The following CHD9 variants were observed in gnomAD, a reference collection of about 807,000 sequenced individuals.
CHD9 encodes ATP-dependent chromatin remodeler CHD9.
Under a neutral mutation model 316.1 loss-of-function variants are expected in CHD9, and 77 were observed. That is an observed-to-expected ratio of 0.24 (90% CI 0.20 to 0.29). CHD9 has a LOEUF of 0.29. Ranked by LOEUF, CHD9 falls within the 10% of genes least tolerant of loss-of-function variation. The pLI is 1.00. For synonymous variants in CHD9, 1,129 were observed against 1,158.3 expected, an observed-to-expected ratio of 0.97 and a Z score of 0.51; for missense variants, 2,763 against 3,438.1, an observed-to-expected ratio of 0.80 and a Z score of 4.91.
intron 37 of CHD9, chr16:53,320,075 T>A (rs1194891301): frequency 5.8e-6 from 1 of 171,256 alleles, no homozygotes; most frequent in Non-Finnish European, 1.2e-5. Flanking sequence ...ACTCAGGAAG[T>A]TCAGGAGGGA....
chr16:53,322,179 T>C (rs746257908), intron 38 of CHD9, among the ~76,000 whole-genome samples: 1 of 151,682 alleles, frequency 6.6e-6, no homozygotes, highest in Non-Finnish European at 1.5e-5. Flanking sequence ...GTATTTTTAG[T>C]AGAGACGATA....
chr16:53,274,169 G>A (rs765512679), intron 23 of CHD9, 44 bp from the exon 24 acceptor site: 39 of 1,214,280 alleles, frequency 3.2e-5, no homozygotes, highest in Admixed American at 1.3e-4. Flanking sequence ...TATTTTAAAC[G>A]ATGAATGTCT....
intron 1 of CHD9, among the ~76,000 whole-genome samples, chr16:53,109,892 G>C (rs568776422): frequency 6.7e-5 from 10 of 150,300 alleles, no homozygotes; most frequent in Non-Finnish European, 1.3e-4. Flanking sequence ...CACCATTTTA[G>C]CCAGGATGGT....
intron 2 of CHD9, among the ~76,000 whole-genome samples, chr16:53,160,505 CT>C (rs2041832614): frequency 6.6e-6 from 1 of 152,048 alleles, no homozygotes; most frequent in Non-Finnish European, 1.5e-5. Context: ...AAGTCACTCA[CT>C]TTTTTGTTTC....
At chr16:53,251,278 C>T (rs2050106251) in intron 17 of CHD9, among the ~76,000 whole-genome samples, 2 of 152,114 alleles carry the variant, frequency 1.3e-5, no homozygotes, top group South Asian at 4.1e-4. Flanking sequence ...TAATTGTTTG[C>T]CTTTGAAATG....
In CHD9 at chr16:53,263,040, C is replaced by T; in HGVS notation, c.4263C>T (p.Asn1421=). 1 of 1,612,962 alleles carries T rather than the reference C, an allele frequency of 6.2e-7. No homozygotes were observed. Among genetic ancestry groups the T allele is most frequent in the Admixed American group, 1.7e-5 (1 of 59,948 alleles). The change falls in exon 20 of 39, where the codon AAC becomes AAT. Residue 1421 remains asparagine, a synonymous_variant. Transcript: ENST00000447540. ...CAGATATTTCTTTAGATGATCCCAA[C>T]TTCTGGCAAAAATGGGCTAAAAAGG... ...NRTDISLDDP[N]FWQKWAKKAE... is the part of the protein sequence containing the mutation.
rs562807837 is a variant in CHD9, at chr16:53,180,227, G to A, written c.1452+22686G>A. ...TCACCATGTTAGCCAGGCTGGCCTC[G>A]AACTGCTGACCTCAGGTGATCCACC... On this transcript the variant is annotated intron_variant, in intron 2 of 38. Transcript: ENST00000447540. Among the ~76,000 whole-genome samples, 155 of 151,984 alleles carry A rather than the reference G, an allele frequency of 1.0e-3. 1 individual carries two copies. The highest frequency in any genetic ancestry group is 3.6e-3 in the African/African-American group (149 of 41,460).
At chr16:53,300,441 C>A (rs544939968) in intron 30 of CHD9, among the ~76,000 whole-genome samples, 99 of 151,234 alleles carry the variant, frequency 6.5e-4, no homozygotes, top group Non-Finnish European at 1.2e-3. Context: ...TTGGTTTTTT[C>A]AAAAAAGGAA....
At chr16:53,207,959 G>T in intron 2 of CHD9, 1 of 847,058 alleles carries the variant, frequency 1.2e-6, no homozygotes. Flanking sequence ...TTCCGCAGAA[G>T]GAGTCAGTAT....
chr16:53,089,253 T>A (rs1190342072), intron 1 of CHD9, among the ~76,000 whole-genome samples: 1 of 152,102 alleles, frequency 6.6e-6, no homozygotes, highest in Non-Finnish European at 1.5e-5. Flanking sequence ...GCCACTGCAC[T>A]CCAGCCTGGG....
chr16:53,111,483 G>A (rs2037862494), intron 1 of CHD9, among the ~76,000 whole-genome samples: 1 of 152,202 alleles, frequency 6.6e-6, no homozygotes, highest in African/African-American at 2.4e-5. Context: ...ACGGTTATTA[G>A]CAGAGGTTTG....
intron 1 of CHD9, among the ~76,000 whole-genome samples, chr16:53,132,631 G>C (rs913453809): frequency 6.6e-6 from 1 of 151,996 alleles, no homozygotes; most frequent in African/African-American, 2.4e-5. Context: ...TTTTCCCTTG[G>C]GTTTACAGAA....
chr16:53,132,620 C>A (rs746691150), intron 1 of CHD9, among the ~76,000 whole-genome samples: 11 of 152,122 alleles, frequency 7.2e-5, no homozygotes, highest in African/African-American at 2.7e-4. Context: ...CATAGTGTTT[C>A]TTTTCCCTTG....
In CHD9 at chr16:53,121,140, T is replaced by C. The variant is rs778629835; in HGVS notation, c.-164-34786T>C. ...ATTTGCTTTAGAAAATAATTGGCCA[T>C]GAAGCCAGAGGACCATATCTATCTT... On this transcript the variant is annotated intron_variant, in intron 1 of 38. Coordinates refer to ENST00000447540, the MANE Select transcript of CHD9 (RefSeq NM_001308319.2). Among the ~76,000 whole-genome samples, 4 of 152,380 alleles carry C rather than the reference T, an allele frequency of 2.6e-5. No individual in the cohort carries two copies. The South Asian group carries it at 8.3e-4, about 32-fold the overall frequency.
At chr16:53,234,960 T>A (rs762801401) in intron 10 of CHD9, among the ~76,000 whole-genome samples, 4 of 152,190 alleles carry the variant, frequency 2.6e-5, no homozygotes, top group Non-Finnish European at 5.9e-5. Flanking sequence ...CTTTGTCTGA[T>A]TTTGGTATCA....
At chr16:53,129,440 G>A (rs138407543) in intron 1 of CHD9, among the ~76,000 whole-genome samples, 14 of 152,316 alleles carry the variant, frequency 9.2e-5, no homozygotes, top group African/African-American at 3.4e-4. Flanking sequence ...AACTGTAACC[G>A]CCCTTTCAGC....
Position 53,292,838 on chromosome 16 carries a change from C to A in CHD9, c.5296C>A (p.Gln1766Lys). Residue 1766 changes from glutamine to lysine, a missense_variant, in exon 29 of 39, where the codon CAA (glutamine) becomes AAA (lysine). By Grantham distance (53) the Gln-to-Lys change is moderately conservative. Coordinates refer to ENST00000447540, the MANE Select transcript of CHD9 (RefSeq NM_001308319.2). ...TATTACTTATTTAACTATAGATGGT[C>A]AACTGATGGAGGGTGATAAAGTATA... is the stretch of plus-strand genomic sequence containing the variant. ...GDLVIADGDG[Q>K]LMEGDKVYWP... 3 of 1,612,304 alleles carry A rather than the reference C, an allele frequency of 1.9e-6. No homozygotes were observed. The highest frequency in any genetic ancestry group is 1.1e-5 in the South Asian group (1 of 91,002).
At chr16:53,247,759 T>A in intron 16 of CHD9, 1 of 335,100 alleles carries the variant, frequency 3.0e-6, no homozygotes, top group Non-Finnish European at 5.4e-6. Flanking sequence ...CAGGAATGGG[T>A]TTAAAAATGT....
At chr16:53,093,270 A>G (rs567327824) in intron 1 of CHD9, among the ~76,000 whole-genome samples, 15 of 152,328 alleles carry the variant, frequency 9.8e-5, no homozygotes, top group Non-Finnish European at 1.9e-4. Context: ...TAGGAAAATC[A>G]CTGACTTCTC....
Sources: gnomAD v4.1 joint callset for allele counts (sites outside exome capture counted in the v4.1 genomes callset) on GRCh38, gnomAD v4.1.1 for gene constraint, MANE v1.5 for transcripts, NCBI Gene and HGNC (gene_info 2026-07-23, HGNC 2026-07-21) for gene names.